Variants in CACNB4 observed in about 807,000 individuals in gnomAD.
CACNB4 encodes calcium voltage-gated channel auxiliary subunit beta 4.
In CACNB4, 32 loss-of-function variants were observed where a neutral mutation model predicts 71.2. That is an observed-to-expected ratio of 0.45 (90% CI 0.34 to 0.60). The LOEUF (loss-of-function observed/expected upper bound fraction) is 0.60, where lower values mean the gene tolerates loss of function less well. Ranked by LOEUF, CACNB4 falls within the 20% of genes least tolerant of loss-of-function variation. The pLI, the probability that CACNB4 is intolerant of heterozygous loss-of-function variation, is 0.01. For missense variants in CACNB4, 464 were observed against 647.9 expected (o/e 0.72, Z 3.08); for synonymous variants, 231 against 236.9 (o/e 0.97, Z 0.23).
At chr2:151,895,093 G>GCCCCC (rs1386086990) in intron 2 of CACNB4, among the ~76,000 whole-genome samples, 6 of 25,646 alleles carry the variant, frequency 2.3e-4, no homozygotes, top group African/African-American at 5.9e-4. Flanking sequence ...AACTCAAATA[G>GCCCCC]CCCCACACAC....
intron 2 of CACNB4, among the ~76,000 whole-genome samples, chr2:152,080,846 A>G (rs1004413039): frequency 4.6e-5 from 7 of 152,074 alleles, no homozygotes; most frequent in African/African-American, 1.7e-4. Flanking sequence ...CTTTGAGTTC[A>G]TGCGAGATCT....
At chr2:151,965,499 T>C (rs769162151) in intron 2 of CACNB4, among the ~76,000 whole-genome samples, 1 of 152,208 alleles carries the variant, frequency 6.6e-6, no homozygotes, top group Non-Finnish European at 1.5e-5. Flanking sequence ...CAAAGGATAA[T>C]AATAATGAGC....
intron 9 of CACNB4, chr2:151,868,808 A>G (rs932225541): frequency 1.3e-5 from 2 of 154,374 alleles, no homozygotes; most frequent in African/African-American, 4.8e-5. Context: ...ACACACATAC[A>G]CAATTCCCAA....
At chr2:151,918,508 G>A (rs1200584494) in intron 2 of CACNB4, among the ~76,000 whole-genome samples, 1 of 152,210 alleles carries the variant, frequency 6.6e-6, no homozygotes, top group Non-Finnish European at 1.5e-5. Context: ...CAACCACTGG[G>A]CTCCAGGGGC....
chr2:151,862,372 T>C (rs1010869513), intron 9 of CACNB4, among the ~76,000 whole-genome samples: 9 of 152,238 alleles, frequency 5.9e-5, no homozygotes, highest in Non-Finnish European at 1.2e-4. Context: ...CTGGTGCCAT[T>C]TTAAGCAAAG....
intron 13 of CACNB4, among the ~76,000 whole-genome samples, chr2:151,840,669 G>A (rs184919974): frequency 8.7e-4 from 132 of 152,298 alleles, no homozygotes; most frequent in African/African-American, 3.0e-3. Flanking sequence ...CTATTCATTT[G>A]CATGACAGTT....
chr2:152,020,675 AC>A (rs1683611375), intron 2 of CACNB4, among the ~76,000 whole-genome samples: 1 of 152,194 alleles, frequency 6.6e-6, no homozygotes. Flanking sequence ...ACAGGGAAAG[AC>A]TGAAGTTGAA....
intron 9 of CACNB4, chr2:151,865,784 C>CTTTCT (rs139662383): frequency 0.035 from 4,993 of 143,954 alleles, 92 homozygotes; most frequent in African/African-American, 0.051. Flanking sequence ...TTCTTTCTTT[C>CTTTCT]TTTTTTTTTT....
intron 2 of CACNB4, among the ~76,000 whole-genome samples, chr2:151,959,518 T>C (rs575784887): frequency 1.8e-4 from 28 of 152,238 alleles, no homozygotes; most frequent in Non-Finnish European, 3.5e-4. Flanking sequence ...AGCTTCTCTA[T>C]GTAAATGCAG....
chr2:151,956,061 A>T (rs1175039668), intron 2 of CACNB4, among the ~76,000 whole-genome samples: 1 of 152,236 alleles, frequency 6.6e-6, no homozygotes, highest in East Asian at 1.9e-4. Flanking sequence ...ACTCGTACAA[A>T]CTGACAAGAG....
intron 2 of CACNB4, among the ~76,000 whole-genome samples, chr2:151,998,770 TCA>T (rs976395230): frequency 6.6e-6 from 1 of 152,200 alleles, no homozygotes; most frequent in African/African-American, 2.4e-5. Flanking sequence ...AAATCTATTT[TCA>T]CAGTGAGCCT....
intron 2 of CACNB4, among the ~76,000 whole-genome samples, chr2:152,079,076 G>A (rs375964553): frequency 6.6e-6 from 1 of 151,770 alleles, no homozygotes; most frequent in South Asian, 2.1e-4. Context: ...AACCTGTGTT[G>A]TGTTGTTGTT....
At chr2:151,888,490 C>T (rs546483351) in intron 2 of CACNB4, among the ~76,000 whole-genome samples, 3 of 152,168 alleles carry the variant, frequency 2.0e-5, no homozygotes, top group South Asian at 2.1e-4. Flanking sequence ...TGCTTGAGCC[C>T]GGGAGGTGGA....
intron 2 of CACNB4, among the ~76,000 whole-genome samples, chr2:152,059,349 A>G (rs1490971784): frequency 6.6e-6 from 1 of 152,246 alleles, no homozygotes; most frequent in Middle Eastern, 3.2e-3. Context: ...GGGTGGGAGC[A>G]GGGGCTGTAC....
intron 6 of CACNB4, 153 bp downstream of exon 6, chr2:151,872,264 C>T (rs1249912289): frequency 1.7e-6 from 1 of 599,594 alleles, no homozygotes; most frequent in East Asian, 3.1e-5. Context: ...ATCAAATTAC[C>T]ATAGAAAACA....
chr2:151,869,294 T>G lies in CACNB4; in HGVS notation c.700-59A>C, dbSNP rs188070979. ...ACACATGCAGAGAGAGAGAGAGAAG[T>G]CAAAAGGGAGAGAGGAGGGAGGGAA... On this transcript the variant is annotated intron_variant, in intron 8 of 13. Coordinates refer to ENST00000539935, the MANE Select transcript of CACNB4 (RefSeq NM_000726.5). 5.2e-4 allele frequency: 501 copies of G among 972,568 alleles called. 4 individuals carry two copies. The highest frequency in any genetic ancestry group is 2.1e-4 in the East Asian group (8 of 37,858). The allele number at this position is 972,568 out of a possible 1,614,324, so 60.2% of individuals were successfully genotyped here.
intron 2 of CACNB4, among the ~76,000 whole-genome samples, chr2:151,938,867 C>T (rs996964732): frequency 2.0e-5 from 3 of 152,138 alleles, no homozygotes; most frequent in Non-Finnish European, 2.9e-5. Context: ...TTCAAGGATT[C>T]GAACTGGCAT....
At chr2:152,075,171 G>A (rs539524833) in intron 2 of CACNB4, among the ~76,000 whole-genome samples, 2 of 152,280 alleles carry the variant, frequency 1.3e-5, no homozygotes, top group South Asian at 2.1e-4. Flanking sequence ...CTACAAGGCA[G>A]GCATTATCAT....
intron 2 of CACNB4, among the ~76,000 whole-genome samples, chr2:152,063,623 T>C (rs1440609364): frequency 6.6e-6 from 1 of 152,192 alleles, no homozygotes; most frequent in African/African-American, 2.4e-5. Context: ...ATTACATAAT[T>C]TCAAGAAGCC....
Sources: allele counts gnomAD v4.1 joint callset (sites outside exome capture counted in the v4.1 genomes callset), GRCh38; gene constraint gnomAD v4.1.1; transcripts MANE v1.5; gene names NCBI Gene and HGNC (gene_info 2026-07-23, HGNC 2026-07-21).